Variants in INTU observed in about 807,000 individuals in gnomAD.
The protein encoded by INTU is inturned planar cell polarity protein.
Under a neutral mutation model 100.5 loss-of-function variants are expected in INTU, and 68 were observed. The observed-to-expected ratio is 0.68, with a 90% CI of 0.56 to 0.83. The LOEUF is 0.83. Among genes scored for constraint, INTU ranks in the 40% least tolerant of loss-of-function variants. The pLI is 0.00. For missense variants in INTU, 1,071 were observed against 1,114.7 expected, an observed-to-expected ratio of 0.96 and a Z score of 0.56; for synonymous variants, 357 against 395.7, an observed-to-expected ratio of 0.90 and a Z score of 1.16.
intron 3 of INTU, among the ~76,000 whole-genome samples, chr4:127,659,567 G>T (rs962340863): frequency 6.6e-6 from 1 of 152,180 alleles, no homozygotes; most frequent in African/African-American, 2.4e-5. Flanking sequence ...TCTAATTGTT[G>T]ACTTTTGTGA....
chr4:127,682,669 A>G (rs1445951315), intron 6 of INTU, among the ~76,000 whole-genome samples: 1 of 151,762 alleles, frequency 6.6e-6, no homozygotes, highest in African/African-American at 2.4e-5. Context: ...TGGGTGCAGC[A>G]CACCAGCATG....
rs1731285484 is a variant in INTU at position 127,717,473 on chromosome 4, G to A, written c.*1037G>A. On this transcript the variant is annotated 3_prime_UTR_variant, in exon 16 of 16. Transcript: ENST00000335251. ...TATGTGTGCATATATATTTGTAATT[G>A]AATGATTTATATTACTTTGAGTATA... The A allele has an allele frequency of 6.6e-6, 1 of 152,178 alleles. No individual in the cohort carries two copies. The highest frequency in any genetic ancestry group is 1.5e-5 in the Non-Finnish European group (1 of 68,038). 9.4% of individuals were successfully genotyped at this position (152,178 alleles called of 1,614,324 possible).
intron 8 of INTU, among the ~76,000 whole-genome samples, chr4:127,688,175 A>C (rs1729919316): frequency 6.6e-6 from 1 of 152,018 alleles, no homozygotes; most frequent in Non-Finnish European, 1.5e-5. Context: ...TTTATAATGT[A>C]AGGTTATCAA....
In INTU at chr4:127,716,488, A is replaced by G; in HGVS notation, c.*52A>G. 1.3e-6 allele frequency: 1 copy of G among 761,660 alleles called. No homozygotes were observed. The highest frequency in any genetic ancestry group is 2.1e-6 in the Non-Finnish European group (1 of 479,946). 47.2% of individuals were successfully genotyped at this position (761,660 alleles called of 1,614,324 possible). On this transcript the variant is annotated 3_prime_UTR_variant, in exon 16 of 16. Coordinates refer to ENST00000335251, the MANE Select transcript of INTU (RefSeq NM_015693.4). ...CGTGCATGGAGGATCAAACACTGTC[A>G]GAATTGCTGAAATCAATACACAAAG...
intron 8 of INTU, among the ~76,000 whole-genome samples, chr4:127,694,028 T>C (rs1333700325): frequency 6.6e-6 from 1 of 152,108 alleles, no homozygotes; most frequent in Admixed American, 6.6e-5. Flanking sequence ...CAGTCTGTAG[T>C]TTTCTCTTTC....
intron 6 of INTU, among the ~76,000 whole-genome samples, chr4:127,680,774 A>G (rs371832371): frequency 6.7e-6 from 1 of 149,880 alleles, no homozygotes. Flanking sequence ...GGAGAAGGAA[A>G]TAAAGGGTAT....
chr4:127,683,675 T>TCAC (rs1729687027), intron 6 of INTU: 1 of 152,200 alleles, frequency 6.6e-6, no homozygotes, highest in Admixed American at 6.6e-5. Context: ...GAAGATCACA[T>TCAC]TCCCGTGATG....
At chr4:127,671,851 C>T (rs565501297) in intron 5 of INTU, among the ~76,000 whole-genome samples, 249 of 152,018 alleles carry the variant, frequency 1.6e-3, no homozygotes, top group African/African-American at 5.8e-3. Context: ...ATGTCATTTG[C>T]AGCAACGTAG....
chr4:127,663,315 T>C lies in INTU; in HGVS notation c.769-66T>C, dbSNP rs1560843474. 6 of 1,176,668 alleles carry C rather than the reference T, an allele frequency of 5.1e-6. No individual in the cohort carries two copies. The Admixed American group carries it at 1.2e-4, about 23-fold the overall frequency. The allele number at this position is 1,176,668 out of a possible 1,614,324, so 72.9% of individuals were successfully genotyped here. On this transcript the variant is annotated intron_variant, in intron 3 of 15. Coordinates refer to ENST00000335251, the MANE Select transcript of INTU (RefSeq NM_015693.4). ...GGGTGTATGTACATGCACAGATCCTTCATTGTGAAAACTGCAGCTGATTTT... is the reference window on the plus strand; with the variant it reads ...GGGTGTATGTACATGCACAGATCCTCCATTGTGAAAACTGCAGCTGATTTT...
At chr4:127,676,968 G>T (rs1353771822) in intron 6 of INTU, among the ~76,000 whole-genome samples, 1 of 152,192 alleles carries the variant, frequency 6.6e-6, no homozygotes, top group Non-Finnish European at 1.5e-5. Flanking sequence ...GGCTCGGAGG[G>T]TCCTACGCCC....
intron 2 of INTU, 54 bp from the exon 3 acceptor site, chr4:127,656,582 T>G: frequency 1.6e-6 from 2 of 1,277,842 alleles, no homozygotes; most frequent in Non-Finnish European, 2.3e-6. Context: ...ATTCTAGACC[T>G]CTATGGTTTT....
chr4:127,637,362 A>T (rs538909194), intron 1 of INTU, among the ~76,000 whole-genome samples: 117 of 152,312 alleles, frequency 7.7e-4, no homozygotes, highest in African/African-American at 2.8e-3. Flanking sequence ...GATGATTTTT[A>T]AATTTTAGAT....
chr4:127,692,301 A>T (rs1730182681), intron 8 of INTU, among the ~76,000 whole-genome samples: 1 of 151,838 alleles, frequency 6.6e-6, no homozygotes, highest in Admixed American at 6.6e-5. Flanking sequence ...GTGAGGTGGT[A>T]TTGCATTGTG....
chr4:127,651,511 C>CA (rs1727875049), intron 2 of INTU, among the ~76,000 whole-genome samples: 1 of 152,170 alleles, frequency 6.6e-6, no homozygotes, highest in Non-Finnish European at 1.5e-5. Flanking sequence ...TCAGGTTTGT[C>CA]AAAGATCTGA....
chr4:127,650,810 T>G (rs1578540419), intron 2 of INTU, among the ~76,000 whole-genome samples: 1 of 152,036 alleles, frequency 6.6e-6, no homozygotes, highest in Admixed American at 6.5e-5. Flanking sequence ...ACTTCCACAA[T>G]GGTTGAACTA....
intron 5 of INTU, among the ~76,000 whole-genome samples, chr4:127,671,119 T>C (rs2126209111): frequency 6.6e-6 from 1 of 152,116 alleles, no homozygotes; most frequent in African/African-American, 2.4e-5. Context: ...TAAGTAGGTC[T>C]TAATTAAACT....
rs1730723658 is a variant in INTU at position 127,703,185 on chromosome 4, T to C, written c.1504-1043T>C. 2.0e-5 allele frequency among the ~76,000 whole-genome samples: 3 copies of C among 152,220 alleles called. No homozygotes were observed. The South Asian group carries it at 6.2e-4, about 32-fold the overall frequency. ...CAGTTCAGTCCTTAATATTGCTGAA[T>C]AGTAGTATTCCATCATATGCATGTA... is the stretch of plus-strand genomic sequence containing the variant. On this transcript the variant is annotated intron_variant, in intron 9 of 15. Coordinates refer to ENST00000335251, the MANE Select transcript of INTU (RefSeq NM_015693.4).
At chr4:127,714,333 T>C (rs996462179) in intron 15 of INTU, among the ~76,000 whole-genome samples, 1 of 152,128 alleles carries the variant, frequency 6.6e-6, no homozygotes, top group Non-Finnish European at 1.5e-5. Context: ...CCAGTTTTTC[T>C]CTTCTTCCCT....
chr4:127,639,885 A>G (rs1356662220), intron 1 of INTU, among the ~76,000 whole-genome samples: 1 of 152,140 alleles, frequency 6.6e-6, no homozygotes, highest in African/African-American at 2.4e-5. Flanking sequence ...TCTAACTGTA[A>G]CTTTGTACCC....
Sources: gnomAD v4.1 joint callset for allele counts (sites outside exome capture counted in the v4.1 genomes callset) on GRCh38, gnomAD v4.1.1 for gene constraint, MANE v1.5 for transcripts, NCBI Gene and HGNC (gene_info 2026-07-23, HGNC 2026-07-21) for gene names.